The following BICRA variants were observed in gnomAD, a reference collection of about 807,000 sequenced individuals.
BICRA encodes the protein BRD4 interacting chromatin remodeling complex associated protein.
A neutral mutation model predicts 96.9 loss-of-function variants in BICRA; 31 were observed. That is an observed-to-expected ratio of 0.32 (90% CI 0.24 to 0.43). The LOEUF is 0.43. Ranked by LOEUF, BICRA falls within the 20% of genes least tolerant of loss-of-function variation. The pLI, the probability that BICRA is intolerant of heterozygous loss-of-function variation, is 1.00. For synonymous variants in BICRA, 1,350 were observed against 1,071.8 expected (o/e 1.26, Z -5.07); for missense variants, 2,283 against 2,190.3 (o/e 1.04, Z -0.84).
intron 1 of BICRA, among the ~76,000 whole-genome samples, chr19:47,647,531 C>G: frequency 6.6e-6 from 1 of 152,042 alleles, no homozygotes; most frequent in East Asian, 1.9e-4. Context: ...CACCTCTGCC[C>G]CGCTATGCAT....
intron 1 of BICRA, among the ~76,000 whole-genome samples, chr19:47,649,704 A>G (rs1490372412): frequency 2.0e-5 from 3 of 152,206 alleles, no homozygotes; most frequent in African/African-American, 7.2e-5. Context: ...TGGGGAAACA[A>G]GGGACTCATA....
chr19:47,647,983 A>G (rs1599814108), intron 1 of BICRA, among the ~76,000 whole-genome samples: 1 of 151,718 alleles, frequency 6.6e-6, no homozygotes. Context: ...CCTGGGCGGG[A>G]ACTACTGGTG....
Position 47,702,444 on chromosome 19 carries a change from C to A in BICRA, c.*29C>A. ...CGGGCCGCCTCCCCTTCCCCGTCCC[C>A]TCCTCCCGAAGACGCCGGGACAGTC... is the stretch of plus-strand genomic sequence containing the variant. On this transcript the variant is annotated 3_prime_UTR_variant, in exon 15 of 15. Coordinates refer to ENST00000594866, the MANE Select transcript of BICRA (RefSeq NM_001394372.1). The A allele has an allele frequency of 2.1e-6, 3 of 1,453,094 alleles. No homozygotes were observed. The highest frequency in any genetic ancestry group is 3.0e-5 in the African/African-American group (2 of 66,932). 90.0% of individuals were successfully genotyped at this position (1,453,094 alleles called of 1,614,324 possible).
At chr19:47,683,845 A>C (rs1284346352) in intron 7 of BICRA, among the ~76,000 whole-genome samples, 3 of 152,048 alleles carry the variant, frequency 2.0e-5, no homozygotes, top group African/African-American at 7.2e-5. Context: ...CAGCCTCCCA[A>C]AGTGCTGGGA....
At chr19:47,634,621 C>G (rs1972270996) in intron 1 of BICRA, among the ~76,000 whole-genome samples, 1 of 152,134 alleles carries the variant, frequency 6.6e-6, no homozygotes, top group East Asian at 1.9e-4. Flanking sequence ...CCCATAAAAA[C>G]CAAAACAAAC....
intron 1 of BICRA, among the ~76,000 whole-genome samples, chr19:47,631,519 C>A (rs189521477): frequency 6.6e-6 from 1 of 152,244 alleles, no homozygotes; most frequent in Admixed American, 6.5e-5. Context: ...TGAGCCACCA[C>A]ATCCAGCCTA....
Position 47,701,767 on chromosome 19 carries a change from C to A in BICRA, c.4035C>A (p.Pro1345=), listed in dbSNP as rs772234607. The change falls in exon 15 of 15, where the codon CCC becomes CCA. Residue 1345 remains proline, a synonymous_variant. Transcript: ENST00000594866. This position sits in a 1 kb window ranked among gnomAD's most constrained non-coding sequence, Gnocchi z 5.4. ...PPPATLKVAE[P]PPRPPPPPPP... is the part of the protein sequence containing the mutation. Reference sequence around the variant, plus strand: ...CCGCTACCCTCAAGGTGGCCGAGCCCCCGCCACGGCCGCCACCACCACCGC... The same window carrying A: ...CCGCTACCCTCAAGGTGGCCGAGCCACCGCCACGGCCGCCACCACCACCGC... 1.4e-4 allele frequency: 217 copies of A among 1,539,614 alleles called. No individual in the cohort carries two copies. The highest frequency in any genetic ancestry group is 1.0e-3 in the Middle Eastern group (5 of 4,876).
At chr19:47,681,727 A>AC (rs1239685434) in intron 6 of BICRA, among the ~76,000 whole-genome samples, 5 of 152,054 alleles carry the variant, frequency 3.3e-5, no homozygotes, top group Non-Finnish European at 5.9e-5. Context: ...CGAGACAGGG[A>AC]CAGAGGGACA....
intron 4 of BICRA, 65 bp downstream of exon 4, chr19:47,673,827 AG>A: frequency 7.5e-7 from 1 of 1,339,756 alleles, no homozygotes; most frequent in South Asian, 1.2e-5. Context: ...AGTGAGGGAC[AG>A]GGAGAGACAT....
chr19:47,683,335 A>G (rs575635970), intron 7 of BICRA, among the ~76,000 whole-genome samples: 1 of 151,986 alleles, frequency 6.6e-6, no homozygotes, highest in East Asian at 1.9e-4. Flanking sequence ...GAAAAATAGT[A>G]TCTTGTTTTG....
intron 1 of BICRA, among the ~76,000 whole-genome samples, chr19:47,637,295 A>G (rs1273931129): frequency 3.3e-5 from 5 of 151,380 alleles, no homozygotes; most frequent in African/African-American, 4.9e-5. Context: ...AATTTTTTGT[A>G]TTTTTAGTAG....
rs768295788 is a variant in BICRA, at chr19:47,702,227, G to A, written c.4495G>A (p.Glu1499Lys). The A allele has an allele frequency of 1.9e-6, 3 of 1,599,026 alleles. No individual in the cohort carries two copies. Among genetic ancestry groups the A allele is most frequent in the Non-Finnish European group, 8.5e-7 (1 of 1,177,726 alleles). Reference sequence around the variant, plus strand: ...CAGCCCGCAGGATGACACGCTCACCGAGCACCTGCAGAGCGCCATCGACAG... The same window carrying A: ...CAGCCCGCAGGATGACACGCTCACCAAGCACCTGCAGAGCGCCATCGACAG... ...SDSPQDDTLT[E>K]HLQSAIDSIL... The change falls in exon 15 of 15, where the codon GAG (glutamate) becomes AAG (lysine). Residue 1499 changes from glutamate to lysine, a missense_variant. Coordinates refer to ENST00000594866, the MANE Select transcript of BICRA (RefSeq NM_001394372.1).
intron 1 of BICRA, among the ~76,000 whole-genome samples, chr19:47,655,956 T>C (rs951434389): frequency 2.7e-5 from 4 of 150,118 alleles, no homozygotes; most frequent in African/African-American, 9.8e-5. Context: ...AATGTGAGGC[T>C]GGGCATGGTA....
intron 7 of BICRA, among the ~76,000 whole-genome samples, chr19:47,690,298 G>A (rs998052122): frequency 1.3e-5 from 2 of 152,100 alleles, no homozygotes; most frequent in African/African-American, 4.8e-5. Flanking sequence ...CACCGCGCCC[G>A]GCCTACTTGT....
chr19:47,649,368 A>C (rs1599815832), intron 1 of BICRA, among the ~76,000 whole-genome samples: 1 of 152,288 alleles, frequency 6.6e-6, no homozygotes, highest in African/African-American at 2.4e-5. Context: ...GTGAGGATTA[A>C]TTTAGTTAAA....
chr19:47,670,664 A>G (rs1972849513), intron 2 of BICRA, 120 bp downstream of exon 2: 1 of 152,280 alleles, frequency 6.6e-6, no homozygotes, highest in Admixed American at 6.5e-5. Flanking sequence ...GAGCCTGGCT[A>G]AGCAATATCT....
chr19:47,657,623 C>T (rs770617548), intron 1 of BICRA, among the ~76,000 whole-genome samples: 5 of 152,022 alleles, frequency 3.3e-5, no homozygotes, highest in Non-Finnish European at 7.4e-5. Context: ...GTCTCGATCT[C>T]CTGACCTTGT....
chr19:47,625,234 C>T (rs1972123549), intron 1 of BICRA, among the ~76,000 whole-genome samples: 1 of 150,968 alleles, frequency 6.6e-6, no homozygotes, highest in Non-Finnish European at 1.5e-5. Context: ...TCCTGACCTC[C>T]AGTGATTTGC....
At chr19:47,686,796 A>G (rs1973166042) in intron 7 of BICRA, among the ~76,000 whole-genome samples, 1 of 152,096 alleles carries the variant, frequency 6.6e-6, no homozygotes, top group South Asian at 2.1e-4. Flanking sequence ...TTTGCAAGCT[A>G]CCATCTGGGA....
Sources: allele counts gnomAD v4.1 joint callset (sites outside exome capture counted in the v4.1 genomes callset), GRCh38; gene constraint gnomAD v4.1.1; non-coding constraint Gnocchi (gnomAD v3.1); transcripts MANE v1.5; gene names NCBI Gene and HGNC (gene_info 2026-07-23, HGNC 2026-07-21).